FRMPD4: variants seen among roughly 807,000 people sequenced by gnomAD.
The protein encoded by FRMPD4 is FERM and PDZ domain-containing protein 4.
Under a neutral mutation model 94.1 loss-of-function variants are expected in FRMPD4, and 22 were observed. That is an observed-to-expected ratio of 0.23 (90% CI 0.17 to 0.33). FRMPD4 has a LOEUF of 0.33. FRMPD4 is among the 10% of genes least tolerant of loss of function. The pLI is 1.00. For missense variants in FRMPD4, 1,111 were observed against 1,339.9 expected, an observed-to-expected ratio of 0.83 and a Z score of 2.67; for synonymous variants, 631 against 548.6, an observed-to-expected ratio of 1.15 and a Z score of -2.10.
At chrX:12,403,932 C>G (rs1028499430) in intron 1 of FRMPD4, among the ~76,000 whole-genome samples, 4 of 111,873 alleles carry the variant, frequency 3.6e-5, no homozygotes, top group African/African-American at 1.3e-4. Context: ...CAGCCTCTGA[C>G]CTCAGCCTAA....
chrX:12,305,244 C>T (rs1160935295), intron 1 of FRMPD4, among the ~76,000 whole-genome samples: 3 of 111,765 alleles, frequency 2.7e-5, no homozygotes, highest in African/African-American at 9.8e-5. Flanking sequence ...CAGAGTTAGC[C>T]TGTGCCCACA....
intron 1 of FRMPD4, among the ~76,000 whole-genome samples, chrX:12,489,751 G>A (rs2057774144): frequency 1.8e-5 from 2 of 111,863 alleles, no homozygotes; most frequent in Admixed American, 9.5e-5. Context: ...GGGTTAAACT[G>A]TTGTCTGTGT....
intron 2 of FRMPD4, among the ~76,000 whole-genome samples, chrX:12,595,949 A>C (rs181394112): frequency 8.9e-6 from 1 of 112,533 alleles, no homozygotes; most frequent in African/African-American, 3.2e-5. Context: ...ATTTATGCCA[A>C]TGTAATGGGA....
chrX:12,106,927 G>T (rs925417782), intron 3 of FRMPD4, among the ~76,000 whole-genome samples: 1 of 112,059 alleles, frequency 8.9e-6, no homozygotes, highest in South Asian at 3.7e-4. Context: ...GGACCCCACC[G>T]CAGCTCAAGG....
chrX:12,098,529 G>A (rs1262843269), intron 3 of FRMPD4, among the ~76,000 whole-genome samples: 1 of 112,315 alleles, frequency 8.9e-6, no homozygotes, highest in Non-Finnish European at 1.9e-5. Flanking sequence ...TGGACTTACC[G>A]TCTCTATTTT....
chrX:12,564,059 T>C lies in FRMPD4; in HGVS notation c.159-45662T>C, dbSNP rs186618625. ...TGGTGAGGGCCTGCCTCCTGGTTTG[T>C]AGTTGGCCATCTTCTCATTGTATCC... is the stretch of plus-strand genomic sequence containing the variant. On this transcript the variant is annotated intron_variant, in intron 2 of 16. Transcript: ENST00000675598. Among the ~76,000 whole-genome samples, 50 of 112,171 alleles carry C rather than the reference T, an allele frequency of 4.5e-4. No homozygotes were observed. In the East Asian group the frequency reaches 0.013, roughly 28 times the overall value.
chrX:12,498,979 A>G (rs1018759033), intron 2 of FRMPD4, among the ~76,000 whole-genome samples, 183 bp downstream of exon 2: 14 of 110,574 alleles, frequency 1.3e-4, no homozygotes, highest in Non-Finnish European at 2.5e-4. Flanking sequence ...ATTTCTATAC[A>G]TTTATATTTC....
At chrX:12,211,293 G>A (rs918374669) in intron 1 of FRMPD4, among the ~76,000 whole-genome samples, 41 of 112,157 alleles carry the variant, frequency 3.7e-4, no homozygotes, top group African/African-American at 1.2e-3. Context: ...ATCTTCTTCA[G>A]ACTTGGATGT....
upstream of FRMPD4, among the ~76,000 whole-genome samples, chrX:12,137,740 G>A (rs931551581): frequency 1.8e-5 from 2 of 112,436 alleles, no homozygotes; most frequent in African/African-American, 6.5e-5. Flanking sequence ...CTAGATGGCT[G>A]CAACTTGGAG....
chrX:11,841,332 A>G (rs375791482), intron 1 of FRMPD4, among the ~76,000 whole-genome samples: 1 of 110,812 alleles, frequency 9.0e-6, no homozygotes. Flanking sequence ...ACTGACTTCC[A>G]CAATGGTTGA....
At chrX:11,831,097 G>A (rs1361802256) in intron 1 of FRMPD4, among the ~76,000 whole-genome samples, 2 of 110,096 alleles carry the variant, frequency 1.8e-5, no homozygotes, top group Non-Finnish European at 3.8e-5. Flanking sequence ...ACTACTAGAT[G>A]ATCAAAAACC....
upstream of FRMPD4, among the ~76,000 whole-genome samples, chrX:12,133,657 C>T (rs1026422504): frequency 1.8e-5 from 2 of 111,640 alleles, no homozygotes; most frequent in African/African-American, 6.5e-5. Flanking sequence ...TCCCCACCTC[C>T]TACATCTAAC....
At chrX:12,264,107 G>T (rs6530496) in intron 1 of FRMPD4, among the ~76,000 whole-genome samples, 20,180 of 110,679 alleles carry the variant, frequency 0.18, 1,393 homozygotes, top group East Asian at 0.36. Flanking sequence ...AGAGTCAGTG[G>T]TGACTCTTGA....
chrX:12,633,044 G>T (rs2059410126), intron 4 of FRMPD4, among the ~76,000 whole-genome samples: 1 of 111,794 alleles, frequency 8.9e-6, no homozygotes, highest in Admixed American at 9.5e-5. Flanking sequence ...ATCTCTGTGA[G>T]GGGCGTAATT....
At chrX:12,165,391 T>C (rs1312738264) in intron 1 of FRMPD4, among the ~76,000 whole-genome samples, 1 of 111,973 alleles carries the variant, frequency 8.9e-6, no homozygotes, top group Non-Finnish European at 1.9e-5. Flanking sequence ...AGGGCTCTGT[T>C]CTGTTCTATT....
chrX:12,634,101 T>C (rs1315271009), intron 4 of FRMPD4, among the ~76,000 whole-genome samples: 1 of 112,402 alleles, frequency 8.9e-6, no homozygotes, highest in African/African-American at 3.2e-5. Flanking sequence ...ATTTCACACT[T>C]AAACAACTAA....
At chrX:12,255,891 T>C (rs2054106936) in intron 1 of FRMPD4, among the ~76,000 whole-genome samples, 2 of 112,269 alleles carry the variant, frequency 1.8e-5, no homozygotes, top group African/African-American at 3.2e-5. Flanking sequence ...GGCAAACCCA[T>C]GAACTGATCA....
At chrX:12,566,928 GTAC>G (rs2058718134) in intron 2 of FRMPD4, among the ~76,000 whole-genome samples, 1 of 57,452 alleles carries the variant, frequency 1.7e-5, no homozygotes. Context: ...TTTCTCATTT[GTAC>G]TATAAGGATA....
intron 3 of FRMPD4, among the ~76,000 whole-genome samples, chrX:11,993,424 T>C (rs2054476670): frequency 9.0e-6 from 1 of 111,614 alleles, no homozygotes; most frequent in African/African-American, 3.3e-5. Flanking sequence ...TAGCCTCTAC[T>C]CACTAGATGT....
Sources: gnomAD v4.1 joint callset for allele counts (sites outside exome capture counted in the v4.1 genomes callset) on GRCh38, gnomAD v4.1.1 for gene constraint, MANE v1.5 for transcripts, NCBI Gene and HGNC (gene_info 2026-07-23, HGNC 2026-07-21) for gene names.